The following SCAPER variants were observed in gnomAD, a reference collection of about 807,000 sequenced individuals.
SCAPER encodes S phase cyclin A-associated protein in the endoplasmic reticulum.
In SCAPER, 98 loss-of-function variants were observed where a neutral mutation model predicts 182.2. The ratio of observed to expected loss-of-function variants is 0.54; its 90% CI spans 0.46 to 0.64. SCAPER has a LOEUF of 0.64. SCAPER is among the 30% of genes least tolerant of loss of function. The probability of loss-of-function intolerance (pLI) is 0.00; values close to 1 mark genes in which losing one functional copy is unlikely to be tolerated. For synonymous variants in SCAPER, 605 were observed against 564.6 expected (o/e 1.07, Z -1.01); for missense variants, 1,432 against 1,690.0 (o/e 0.85, Z 2.68).
At chr15:76,414,657 A>C (rs1186857961) in intron 26 of SCAPER, among the ~76,000 whole-genome samples, 1 of 152,190 alleles carries the variant, frequency 6.6e-6, no homozygotes, top group Non-Finnish European at 1.5e-5. Context: ...ACTTCAAAGC[A>C]AGGAGTATTT....
intron 21 of SCAPER, among the ~76,000 whole-genome samples, chr15:76,626,929 C>T (rs1597787446): frequency 1.3e-5 from 2 of 152,262 alleles, no homozygotes; most frequent in South Asian, 2.1e-4. Flanking sequence ...ATGCTTAGAA[C>T]ATTGTGGAGA....
At chr15:76,769,157 A>C (rs1276076649) in intron 10 of SCAPER, among the ~76,000 whole-genome samples, 2 of 152,050 alleles carry the variant, frequency 1.3e-5, no homozygotes, top group African/African-American at 2.4e-5. Context: ...AAAAACAAAC[A>C]ACCTGGCCAG....
At chr15:76,842,721 T>A (rs1259170897) in intron 4 of SCAPER, among the ~76,000 whole-genome samples, 1 of 152,182 alleles carries the variant, frequency 6.6e-6, no homozygotes, top group East Asian at 1.9e-4. Context: ...CTTCATACAC[T>A]TCTTAGAGTA....
At chr15:76,738,196 G>C (rs546126549) in intron 15 of SCAPER, among the ~76,000 whole-genome samples, 2 of 152,162 alleles carry the variant, frequency 1.3e-5, no homozygotes, top group East Asian at 1.9e-4. Flanking sequence ...CTGGAGTGCA[G>C]TGGCTCACTG....
intron 8 of SCAPER, among the ~76,000 whole-genome samples, chr15:76,780,781 G>A (rs2064073558): frequency 6.6e-6 from 1 of 152,186 alleles, no homozygotes; most frequent in Non-Finnish European, 1.5e-5. Flanking sequence ...CAACAGACCT[G>A]CAGCTGAGGG....
At chr15:76,654,561 G>T (rs2055458345) in intron 21 of SCAPER, among the ~76,000 whole-genome samples, 1 of 152,128 alleles carries the variant, frequency 6.6e-6, no homozygotes, top group Non-Finnish European at 1.5e-5. Flanking sequence ...GCAGTCTGAA[G>T]ATTTCTCAAA....
At chr15:76,805,219 G>C (rs1183383056) in intron 5 of SCAPER, among the ~76,000 whole-genome samples, 1 of 152,000 alleles carries the variant, frequency 6.6e-6, no homozygotes, top group East Asian at 1.9e-4. Context: ...TATGAATACT[G>C]CTGCTATAAA....
intron 20 of SCAPER, among the ~76,000 whole-genome samples, chr15:76,667,651 A>G (rs1445639872): frequency 9.0e-6 from 1 of 110,600 alleles, no homozygotes. Context: ...AAAAAAAAAA[A>G]AAAAAAAAAA....
intron 5 of SCAPER, among the ~76,000 whole-genome samples, chr15:76,808,446 G>C (rs1258690968): frequency 6.6e-6 from 1 of 152,158 alleles, no homozygotes. Flanking sequence ...CCTAGCCCTG[G>C]GAGTTGATGA....
At chr15:76,788,908 C>A (rs1188773449) in intron 8 of SCAPER, among the ~76,000 whole-genome samples, 1 of 152,098 alleles carries the variant, frequency 6.6e-6, no homozygotes, top group Non-Finnish European at 1.5e-5. Flanking sequence ...CTCAAGCAAT[C>A]CTCCTACCTC....
At chr15:76,568,955 T>G (rs1329441057) in intron 23 of SCAPER, among the ~76,000 whole-genome samples, 1 of 152,078 alleles carries the variant, frequency 6.6e-6, no homozygotes, top group Non-Finnish European at 1.5e-5. Context: ...CTAACTTATT[T>G]GTGCTATTTA....
intron 1 of SCAPER, among the ~76,000 whole-genome samples, chr15:76,897,180 A>G (rs1322842407): frequency 6.6e-6 from 1 of 152,224 alleles, no homozygotes; most frequent in Non-Finnish European, 1.5e-5. Flanking sequence ...ACCAGCACTC[A>G]ATACTTGGTA....
intron 1 of SCAPER, among the ~76,000 whole-genome samples, chr15:76,901,627 ATTAC>A (rs2074791562): frequency 1.3e-5 from 2 of 152,232 alleles, no homozygotes; most frequent in Non-Finnish European, 1.5e-5. Context: ...AAATGAACGT[ATTAC>A]TTTAAGAAGT....
In SCAPER at chr15:76,700,515, T is replaced by G. The variant is rs537896074; in HGVS notation, c.2508+1243A>C. On this transcript the variant is annotated intron_variant, in intron 20 of 31. Transcript: ENST00000563290. ...TACAAAGCCAGGCAACATTCCCTGCTTTCTCTTGCAGCTTCAGCCCAGGGT... is the reference window on the plus strand; with the variant it reads ...TACAAAGCCAGGCAACATTCCCTGCGTTCTCTTGCAGCTTCAGCCCAGGGT... Among the ~76,000 whole-genome samples the G allele has an allele frequency of 2.8e-4, 42 of 152,318 alleles. 1 individual carries two copies. In the South Asian group the frequency reaches 7.5e-3, roughly 27 times the overall value.
chr15:76,369,289 G>T (rs117206573), intron 29 of SCAPER, among the ~76,000 whole-genome samples: 4,619 of 152,286 alleles, frequency 0.03, 108 homozygotes, highest in South Asian at 0.052. Flanking sequence ...GGACAAATTG[G>T]TTCTGTAAAT....
Position 76,708,543 on chromosome 15 carries a change from C to T in SCAPER, c.2166-2559G>A, listed in dbSNP as rs76866107. 8.2e-3 allele frequency among the ~76,000 whole-genome samples: 1,248 copies of T among 151,820 alleles called. 13 individuals carry two copies. The highest frequency in any genetic ancestry group is 0.028 in the African/African-American group (1,177 of 41,442). The stretch of plus-strand genomic sequence containing the variant: ...GTAAAAATAGTTTCAAATCAATCAA[C>T]TAAGCTTCAACCTCATAAAGAAAAG... On this transcript the variant is annotated intron_variant, in intron 17 of 31. Transcript: ENST00000563290.
intron 4 of SCAPER, among the ~76,000 whole-genome samples, chr15:76,851,206 G>A (rs2070722783): frequency 6.6e-6 from 1 of 151,986 alleles, no homozygotes; most frequent in Non-Finnish European, 1.5e-5. Context: ...AGTCAAATCT[G>A]TGAATCACTG....
At chr15:76,706,007 AT>A in intron 17 of SCAPER, 23 bp from the exon 18 acceptor site, 1 of 1,519,986 alleles carries the variant, frequency 6.6e-7, no homozygotes, top group Non-Finnish European at 8.8e-7. Context: ...AGTAAAAATT[AT>A]AAACTCAACT....
chr15:76,570,747 T>C (rs190182574), intron 23 of SCAPER, among the ~76,000 whole-genome samples: 8 of 152,220 alleles, frequency 5.3e-5, no homozygotes, highest in Non-Finnish European at 1.0e-4. Context: ...TAACAGAAAC[T>C]ATCTGAGGCC....
Sources: gnomAD v4.1 joint callset for allele counts (sites outside exome capture counted in the v4.1 genomes callset) on GRCh38, gnomAD v4.1.1 for gene constraint, MANE v1.5 for transcripts, NCBI Gene and HGNC (gene_info 2026-07-23, HGNC 2026-07-21) for gene names.